Variants in CSMD1 observed in about 807,000 individuals in gnomAD.
CSMD1 encodes the protein CUB and sushi domain-containing protein 1.
Under a neutral mutation model 417.5 loss-of-function variants are expected in CSMD1, and 213 were observed. That is an observed-to-expected ratio of 0.51 (90% CI 0.46 to 0.57). The LOEUF is 0.57. Among genes scored for constraint, CSMD1 ranks in the 20% least tolerant of loss-of-function variants. The pLI is 0.00. For missense variants in CSMD1, 6,923 were observed against 4,529.7 expected, an observed-to-expected ratio of 1.53 and a Z score of -15.17; for synonymous variants, 2,862 against 1,736.8, an observed-to-expected ratio of 1.65 and a Z score of -16.11.
chr8:4,218,475 C>T (rs117115332), intron 3 of CSMD1, among the ~76,000 whole-genome samples: 5 of 152,184 alleles, frequency 3.3e-5, no homozygotes, highest in Non-Finnish European at 7.3e-5. Context: ...GTCTCAACCT[C>T]CACTTGCTGT....
At chr8:3,038,500 G>T (rs540346467) in intron 50 of CSMD1, among the ~76,000 whole-genome samples, 6 of 152,050 alleles carry the variant, frequency 3.9e-5, no homozygotes, top group Non-Finnish European at 8.8e-5. Flanking sequence ...TGAAAAGATT[G>T]TTTCCTTATT....
At chr8:3,636,830 A>G (rs991185775) in intron 7 of CSMD1, among the ~76,000 whole-genome samples, 1 of 152,112 alleles carries the variant, frequency 6.6e-6, no homozygotes, top group Non-Finnish European at 1.5e-5. Context: ...TTTTTGCTAT[A>G]TGAGTTTAAA....
intron 1 of CSMD1, among the ~76,000 whole-genome samples, chr8:4,977,983 G>GTTTCCCTGTTGATGTGT (rs1810663119): frequency 6.6e-6 from 1 of 152,142 alleles, no homozygotes; most frequent in Non-Finnish European, 1.5e-5. Flanking sequence ...TATTTACGAG[G>GTTTCCCTGTTGATGTGT]TTTCCCTGTT....
intron 3 of CSMD1, among the ~76,000 whole-genome samples, chr8:4,367,547 C>G (rs982217429): frequency 3.9e-5 from 6 of 152,072 alleles, no homozygotes; most frequent in African/African-American, 1.4e-4. Flanking sequence ...ATGTGGGGCT[C>G]TTTGGGCTCC....
intron 2 of CSMD1, among the ~76,000 whole-genome samples, chr8:4,498,200 C>G (rs542686870): frequency 2.0e-5 from 3 of 152,274 alleles, no homozygotes; most frequent in African/African-American, 7.2e-5. Flanking sequence ...CAATGCTTAG[C>G]AGACGGGGTT....
intron 21 of CSMD1, among the ~76,000 whole-genome samples, chr8:3,358,125 T>C (rs956406928): frequency 2.0e-5 from 3 of 152,054 alleles, no homozygotes; most frequent in Non-Finnish European, 4.4e-5. Context: ...AGTGAACATG[T>C]TTGTGTTTTA....
intron 1 of CSMD1, among the ~76,000 whole-genome samples, chr8:4,677,764 A>G (rs1481085206): frequency 6.6e-6 from 1 of 152,192 alleles, no homozygotes; most frequent in Admixed American, 6.5e-5. Flanking sequence ...CTTGTGAGCA[A>G]AAAGGAGAAT....
chr8:3,893,339 T>TTATATATAGATATATATATATATATATA (rs1807114983), intron 5 of CSMD1, among the ~76,000 whole-genome samples: 1 of 80,440 alleles, frequency 1.2e-5, no homozygotes, highest in Non-Finnish European at 2.8e-5. Flanking sequence ...ATTCACAATT[T>TTATATATAGATATATATATATATATATA]TATATATATA....
At chr8:4,924,208 G>C (rs1272874353) in intron 1 of CSMD1, among the ~76,000 whole-genome samples, 1 of 152,152 alleles carries the variant, frequency 6.6e-6, no homozygotes, top group African/African-American at 2.4e-5. Flanking sequence ...GATCCACTTT[G>C]AGTTATGATC....
chr8:3,242,998 C>T (rs889384223), intron 26 of CSMD1, among the ~76,000 whole-genome samples: 1 of 152,064 alleles, frequency 6.6e-6, no homozygotes, highest in Non-Finnish European at 1.5e-5. Flanking sequence ...TAGTCCGTGA[C>T]CAGCGCCGGA....
intron 1 of CSMD1, among the ~76,000 whole-genome samples, chr8:4,927,281 C>A (rs1806935673): frequency 2.6e-5 from 4 of 151,878 alleles, no homozygotes; most frequent in Admixed American, 2.6e-4. Flanking sequence ...TGGTCTCGAA[C>A]TCCCGTCCTC....
intron 52 of CSMD1, among the ~76,000 whole-genome samples, chr8:3,010,510 T>C (rs1272032926): frequency 6.6e-6 from 1 of 152,112 alleles, no homozygotes; most frequent in Non-Finnish European, 1.5e-5. Flanking sequence ...CCTGCTTGTT[T>C]CAGGCAAGTC....
At position 3,678,030 on chromosome 8, in the gene CSMD1, A is replaced by C. The variant is rs142950692; in HGVS notation, c.1009+30384T>G. Among the ~76,000 whole-genome samples the C allele has an allele frequency of 4.6e-3, 706 of 152,254 alleles. 9 individuals are homozygous for C. Among genetic ancestry groups the C allele is most frequent in the African/African-American group, 0.016 (670 of 41,554 alleles). ...CTGCCTATCTTCAAAGCGTTCTGTC[A>C]ATATTTAAAGACAGTGGGAGGGTGG... On this transcript the variant is annotated intron_variant, in intron 7 of 69. Coordinates refer to ENST00000635120, the MANE Select transcript of CSMD1 (RefSeq NM_033225.6).
At chr8:3,478,678 A>G (rs1817564048) in intron 11 of CSMD1, among the ~76,000 whole-genome samples, 1 of 152,102 alleles carries the variant, frequency 6.6e-6, no homozygotes, top group African/African-American at 2.4e-5. Context: ...TCCAGATGCA[A>G]CTGTGACCCG....
chr8:3,394,283 T>G (rs1447359), intron 17 of CSMD1, among the ~76,000 whole-genome samples: 26,099 of 147,056 alleles, frequency 0.18, 2,974 homozygotes, highest in Non-Finnish European at 0.24. Flanking sequence ...TATTTTATAA[T>G]AATAAAATAT....
At chr8:3,272,481 A>G (rs1175228235) in intron 26 of CSMD1, among the ~76,000 whole-genome samples, 1 of 149,022 alleles carries the variant, frequency 6.7e-6, no homozygotes, top group East Asian at 2.0e-4. Context: ...GTCATTGGTA[A>G]CTTGAAGGGG....
chr8:4,780,658 G>A (rs903606257), intron 1 of CSMD1, among the ~76,000 whole-genome samples: 1 of 152,068 alleles, frequency 6.6e-6, no homozygotes, highest in African/African-American at 2.4e-5. Flanking sequence ...AGATCCTGGT[G>A]CACCCATCAC....
At chr8:4,174,469 T>C (rs920300718) in intron 3 of CSMD1, among the ~76,000 whole-genome samples, 3 of 151,532 alleles carry the variant, frequency 2.0e-5, no homozygotes, top group South Asian at 2.1e-4. Flanking sequence ...AAATAATAGG[T>C]TTGGAAGGTT....
intron 11 of CSMD1, among the ~76,000 whole-genome samples, chr8:3,473,513 G>C (rs1333425143): frequency 1.3e-5 from 2 of 151,960 alleles, no homozygotes; most frequent in East Asian, 3.9e-4. Context: ...GAACTATTTT[G>C]GCTTGCTAAC....
Sources: gnomAD v4.1 joint callset for allele counts (sites outside exome capture counted in the v4.1 genomes callset) on GRCh38, gnomAD v4.1.1 for gene constraint, MANE v1.5 for transcripts, NCBI Gene and HGNC (gene_info 2026-07-23, HGNC 2026-07-21) for gene names.